Variants in SLFN11 observed in about 807,000 individuals in gnomAD.
The protein encoded by SLFN11 is schlafen family member 11.
A neutral mutation model predicts 53.4 loss-of-function variants in SLFN11; 43 were observed. The ratio of observed to expected loss-of-function variants is 0.80; its 90% CI spans 0.63 to 1.04. The LOEUF (loss-of-function observed/expected upper bound fraction) is 1.04, where lower values mean the gene tolerates loss of function less well. SLFN11 is among the 50% of genes least tolerant of loss of function. The probability of loss-of-function intolerance (pLI) is 0.00; values close to 1 mark genes in which losing one functional copy is unlikely to be tolerated. For synonymous variants in SLFN11, 389 were observed against 394.7 expected, an observed-to-expected ratio of 0.99 and a Z score of 0.17; for missense variants, 990 against 1,079.1, an observed-to-expected ratio of 0.92 and a Z score of 1.16.
At position 35,360,258 on chromosome 17, in the gene SLFN11, G is replaced by A; in HGVS notation, c.1183C>T (p.Gln395Ter). The A allele has an allele frequency of 6.2e-7, 1 of 1,610,438 alleles. No individual in the cohort carries two copies. The highest frequency in any genetic ancestry group is 8.5e-7 in the Non-Finnish European group (1 of 1,178,912). The change falls in exon 5 of 7, where the codon CAA (glutamine) becomes TAA (stop). Residue 395 changes from glutamine to a stop codon, truncating the protein, a stop_gained. Transcript: ENST00000685675. LOFTEE classifies it high-confidence loss of function. ...CCATAATTACCTGAAAATAAAAGTT[G>A]CTGGAGTTCCTTTTTATGTTCCAGG... ...KGLEHKKELQ[Q>*]LLFSVPPGYL...
Position 35,363,065 on chromosome 17 carries a change from A to G in SLFN11, c.743T>C (p.Ile248Thr). ...FANTGGGYLFIGVDDKSREVL... is the reference protein window; with the variant it reads ...FANTGGGYLFTGVDDKSREVL... ...TTCCCTACTCTTATCATCCACTCCA[A>G]TAAAAAGATAGCCTCCTCCAGTGTT... The change falls in exon 4 of 7, where the codon ATT becomes ACT. Residue 248 changes from isoleucine to threonine, a missense_variant. Ile to Thr is a moderately conservative substitution (Grantham distance 89). This residue lies in a region of SLFN11 where 521 missense variants were observed against 516.2 expected (regional missense o/e 1.01). Coordinates refer to ENST00000685675, the MANE Select transcript of SLFN11 (RefSeq NM_001376007.1). The G allele has an allele frequency of 7.4e-6, 12 of 1,614,062 alleles. No individual in the cohort carries two copies. Among genetic ancestry groups the G allele is most frequent in the East Asian group, 2.2e-5 (1 of 44,890 alleles).
chr17:35,366,086 T>G (rs1908920738), intron 3 of SLFN11, among the ~76,000 whole-genome samples: 1 of 152,142 alleles, frequency 6.6e-6, no homozygotes, highest in South Asian at 2.1e-4. Context: ...TTACAACATT[T>G]TTTAAAAGCC....
chr17:35,362,655 G>A lies in SLFN11; in HGVS notation c.1069+84C>T, dbSNP rs1908372713. On this transcript the variant is annotated intron_variant, in intron 4 of 6. Coordinates refer to ENST00000685675, the MANE Select transcript of SLFN11 (RefSeq NM_001376007.1). The stretch of plus-strand genomic sequence containing the variant: ...GTTCAGTGGATGTAAGATGTTCAAA[G>A]TCATAGGCAGCAAAGGAAAATTTAA... The A allele has an allele frequency of 3.2e-5, 35 of 1,109,210 alleles. No homozygotes were observed. The South Asian group carries it at 6.3e-4, about 20-fold the overall frequency. 68.7% of individuals were successfully genotyped at this position (1,109,210 alleles called of 1,614,324 possible).
chr17:35,357,578 T>C (rs927974548), intron 5 of SLFN11, among the ~76,000 whole-genome samples: 13 of 151,298 alleles, frequency 8.6e-5, no homozygotes, highest in African/African-American at 2.4e-4. Context: ...TGTTTTTCTC[T>C]ACTTACTTGC....
In SLFN11 at chr17:35,360,284, C is replaced by T. The variant is rs201835215; in HGVS notation, c.1157G>A (p.Gly386Asp). Residue 386 changes from glycine (G) to aspartate (D), a missense_variant, in exon 5 of 7, where the codon GGC (glycine) becomes GAC (aspartate). Coordinates refer to ENST00000685675, the MANE Select transcript of SLFN11 (RefSeq NM_001376007.1). ...PLSRPVYSKK[G>D]LEHKKELQQL... ...CTGGAGTTCCTTTTTATGTTCCAGG[C>T]CTTTCTTGGAGTACACTGGTCTGCT... 3 of 1,610,800 alleles carry T rather than the reference C, an allele frequency of 1.9e-6. No individual in the cohort carries two copies. The highest frequency in any genetic ancestry group is 1.7e-6 in the Non-Finnish European group (2 of 1,179,040).
chr17:35,356,357 TA>T (rs922094778), intron 5 of SLFN11, among the ~76,000 whole-genome samples: 2 of 152,092 alleles, frequency 1.3e-5, no homozygotes, highest in Non-Finnish European at 2.9e-5. Flanking sequence ...AATTGTCTTT[TA>T]AAAAAATAAC....
At chr17:35,359,584 G>A (rs775781558) in intron 5 of SLFN11, among the ~76,000 whole-genome samples, 11 of 152,144 alleles carry the variant, frequency 7.2e-5, no homozygotes, top group Non-Finnish European at 1.6e-4. Context: ...GATAAGAGTA[G>A]AGAAAAGGCG....
At chr17:35,356,163 C>T (rs1907443641) in intron 5 of SLFN11, among the ~76,000 whole-genome samples, 1 of 152,188 alleles carries the variant, frequency 6.6e-6, no homozygotes, top group East Asian at 1.9e-4. Context: ...TGCATTTCTT[C>T]CAAGAGAAGC....
At chr17:35,355,036 G>T (rs1907291455) in intron 5 of SLFN11, among the ~76,000 whole-genome samples, 1 of 151,972 alleles carries the variant, frequency 6.6e-6, no homozygotes, top group Admixed American at 6.6e-5. Flanking sequence ...AAATATAGGG[G>T]GAGATACACA....
At chr17:35,361,051 T>A (rs916497972) in intron 4 of SLFN11, among the ~76,000 whole-genome samples, 9 of 152,112 alleles carry the variant, frequency 5.9e-5, no homozygotes, top group African/African-American at 2.2e-4. Context: ...CTTTGGAGAT[T>A]GGAGTCAGCT....
At chr17:35,373,303 C>A (rs1374452970) in intron 1 of SLFN11, among the ~76,000 whole-genome samples, 171 bp downstream of exon 1, 1 of 147,146 alleles carries the variant, frequency 6.8e-6, no homozygotes, top group Non-Finnish European at 1.5e-5. Context: ...CTCCATAGTC[C>A]GCTTTTTAGG....
intron 5 of SLFN11, among the ~76,000 whole-genome samples, chr17:35,357,142 G>A (rs1907602068): frequency 1.3e-5 from 1 of 77,164 alleles, no homozygotes; most frequent in African/African-American, 4.9e-5. Flanking sequence ...TTCTGTGCGT[G>A]TGTGTGTGTG....
rs1906698918 is a variant in SLFN11 at position 35,351,709 on chromosome 17, A to G, written c.*647T>C. 1 of 152,274 alleles carries G rather than the reference A, an allele frequency of 6.6e-6. No homozygotes were observed. The highest frequency in any genetic ancestry group is 1.5e-5 in the Non-Finnish European group (1 of 68,092). 9.4% of individuals were successfully genotyped at this position (152,274 alleles called of 1,614,324 possible). ...CTTAAAGTGACCATTAATATTCACT[A>G]TCACAATTAAGGCTTGGTCTGGGCC... On this transcript the variant is annotated 3_prime_UTR_variant, in exon 7 of 7. Coordinates refer to ENST00000685675, the MANE Select transcript of SLFN11 (RefSeq NM_001376007.1).
chr17:35,368,897 G>A (rs1909294900), intron 1 of SLFN11, among the ~76,000 whole-genome samples: 2 of 152,094 alleles, frequency 1.3e-5, no homozygotes, highest in South Asian at 2.1e-4. Context: ...CTCTGGGCCA[G>A]AAGAGAAACT....
At position 35,363,469 on chromosome 17, in the gene SLFN11, G is replaced by A. The variant is rs1189917206; in HGVS notation, c.339C>T (p.Gly113=). The change falls in exon 4 of 7, where the codon GGC becomes GGT. Residue 113 remains glycine, a synonymous_variant. Transcript: ENST00000685675. ...FYIFVKSWSS[G]PFPEDRSVKP... is the part of the protein sequence containing the mutation. The stretch of plus-strand genomic sequence containing the variant: ...TGACAGAGCGATCTTCAGGGAAAGG[G>A]CCACTGCTCCAAGATTTAACAAAAA... 2 of 1,613,836 alleles carry A rather than the reference G, an allele frequency of 1.2e-6. No individual in the cohort carries two copies. The highest frequency in any genetic ancestry group is 1.7e-5 in the Admixed American group (1 of 59,956).
intron 1 of SLFN11, among the ~76,000 whole-genome samples, chr17:35,369,579 C>T (rs1161621186): frequency 1.3e-5 from 2 of 152,104 alleles, no homozygotes; most frequent in Non-Finnish European, 2.9e-5. Context: ...GGCTTCACCA[C>T]CTGTTGATTG....
intron 5 of SLFN11, among the ~76,000 whole-genome samples, chr17:35,354,613 A>C (rs576182592): frequency 1.1e-4 from 17 of 152,292 alleles, no homozygotes; most frequent in African/African-American, 3.1e-4. Context: ...TCTTAAAGCT[A>C]TCTCTCCTGA....
chr17:35,366,123 C>T (rs575834881), intron 3 of SLFN11, among the ~76,000 whole-genome samples: 4 of 152,040 alleles, frequency 2.6e-5, no homozygotes, highest in African/African-American at 4.8e-5. Flanking sequence ...AAAAGGTAGT[C>T]GGGGGAAAGG....
At position 35,353,041 on chromosome 17, in the gene SLFN11, C is replaced by T. The variant is rs202123744; in HGVS notation, c.2021G>A (p.Arg674His). 41 of 1,614,182 alleles carry T rather than the reference C, an allele frequency of 2.5e-5. No individual in the cohort carries two copies. The Middle Eastern group carries it at 4.9e-4, about 19-fold the overall frequency. ...CCCATACCAGTCCCCATCTTCAGTA[C>T]GGAAATTCTGAGCTTCGTCAATGAC... ...HIVIDEAQNF[R>H]TEDGDWYGKA... The change falls in exon 7 of 7, where the codon CGT becomes CAT. Residue 674 changes from arginine (R) to histidine (H), a missense_variant. This residue lies in a region of SLFN11 where 313 missense variants were observed against 320.9 expected (regional missense o/e 0.98). Transcript: ENST00000685675.
Sources: allele counts gnomAD v4.1 joint callset (sites outside exome capture counted in the v4.1 genomes callset), GRCh38; gene constraint gnomAD v4.1.1; regional missense constraint gnomAD v4.1.1; transcripts MANE v1.5; gene names NCBI Gene and HGNC (gene_info 2026-07-23, HGNC 2026-07-21).